Variants in FRMD5 observed in about 807,000 individuals in gnomAD.
The protein encoded by FRMD5 is FERM domain containing 5, also known as FERM domain-containing protein 5.
A neutral mutation model predicts 69.0 loss-of-function variants in FRMD5; 20 were observed. The observed-to-expected ratio is 0.29, with a 90% CI of 0.20 to 0.42. The LOEUF is 0.42. FRMD5 is among the 10% of genes least tolerant of loss of function. The pLI is 1.00. For missense variants in FRMD5, 595 were observed against 708.6 expected, an observed-to-expected ratio of 0.84 and a Z score of 1.82; for synonymous variants, 271 against 260.1, an observed-to-expected ratio of 1.04 and a Z score of -0.40.
chr15:44,102,527 CACAA>C (rs2076654932), intron 1 of FRMD5, among the ~76,000 whole-genome samples: 2 of 152,158 alleles, frequency 1.3e-5, no homozygotes, highest in Admixed American at 6.5e-5. Context: ...ATGAAGATCT[CACAA>C]ACAGACTACT....
intron 1 of FRMD5, among the ~76,000 whole-genome samples, chr15:44,046,233 A>T (rs1892423216): frequency 6.6e-6 from 1 of 152,190 alleles, no homozygotes; most frequent in African/African-American, 2.4e-5. Flanking sequence ...AACATTTTAA[A>T]TTTAACCCTG....
intron 1 of FRMD5, among the ~76,000 whole-genome samples, chr15:44,162,867 CA>C (rs371915126): frequency 0.015 from 546 of 37,294 alleles, 1 homozygote; most frequent in East Asian, 0.073. Flanking sequence ...AACTCCGTCT[CA>C]AAAAAAAAAA....
intron 1 of FRMD5, among the ~76,000 whole-genome samples, chr15:44,133,813 G>A (rs1023882942): frequency 3.3e-5 from 5 of 151,936 alleles, no homozygotes; most frequent in African/African-American, 1.2e-4. Context: ...AATTAACACT[G>A]GTCATATCAG....
At position 44,195,122 on chromosome 15, in the gene FRMD5, C is replaced by T; in HGVS notation, c.-68G>A. Reference sequence around the variant, plus strand: ...ACCCTGGACCAGGCGTCCCTCAGCCCGGCAGCTCCGCACCGACCCCAGGCA... The same window carrying T: ...ACCCTGGACCAGGCGTCCCTCAGCCTGGCAGCTCCGCACCGACCCCAGGCA... On this transcript the variant is annotated 5_prime_UTR_variant, in exon 1 of 14. Coordinates refer to ENST00000417257, the MANE Select transcript of FRMD5 (RefSeq NM_032892.5). 3 of 1,316,916 alleles carry T rather than the reference C, an allele frequency of 2.3e-6. No individual in the cohort carries two copies. Among genetic ancestry groups the T allele is most frequent in the South Asian group, 1.4e-5 (1 of 69,698 alleles). 81.6% of individuals were successfully genotyped at this position (1,316,916 alleles called of 1,614,324 possible).
At chr15:44,006,431 T>C (rs1566894161) in intron 1 of FRMD5, among the ~76,000 whole-genome samples, 1 of 152,230 alleles carries the variant, frequency 6.6e-6, no homozygotes, top group East Asian at 1.9e-4. Flanking sequence ...AACATCCAGT[T>C]GGTAGCCCAT....
At chr15:43,909,782 G>A in intron 5 of FRMD5, 100 bp downstream of exon 5, 1 of 697,342 alleles carries the variant, frequency 1.4e-6, no homozygotes, top group Non-Finnish European at 2.5e-6. Flanking sequence ...ACCTGGCCTA[G>A]ATAATGTTTA....
intron 4 of FRMD5, among the ~76,000 whole-genome samples, chr15:43,918,324 T>G (rs770715857): frequency 6.6e-6 from 1 of 152,182 alleles, no homozygotes. Context: ...GTCAGGAGGC[T>G]GAGGCAGGAG....
At chr15:44,117,741 G>A (rs1347094596) in intron 1 of FRMD5, among the ~76,000 whole-genome samples, 1 of 152,214 alleles carries the variant, frequency 6.6e-6, no homozygotes, top group Non-Finnish European at 1.5e-5. Context: ...AGAGAGGCCA[G>A]AGGAGGTTGA....
At position 44,178,584 on chromosome 15, in the gene FRMD5, T is replaced by C. The variant is rs539581009; in HGVS notation, c.102+16369A>G. Reference sequence around the variant, plus strand: ...TCCCCTTGGAATTCGGGATCAATGTTAGAATGAGTCCTCCCTCTGAAAGGT... The same window carrying C: ...TCCCCTTGGAATTCGGGATCAATGTCAGAATGAGTCCTCCCTCTGAAAGGT... On this transcript the variant is annotated intron_variant, in intron 1 of 13. Transcript: ENST00000417257. Among the ~76,000 whole-genome samples, 17 of 152,282 alleles carry C rather than the reference T, an allele frequency of 1.1e-4. No homozygotes were observed. The South Asian group carries it at 3.5e-3, about 32-fold the overall frequency.
At chr15:43,908,066 A>G (rs1446609636) in intron 5 of FRMD5, among the ~76,000 whole-genome samples, 1 of 152,150 alleles carries the variant, frequency 6.6e-6, no homozygotes. Context: ...AGAGTTTAAG[A>G]CTCGACTTAG....
intron 1 of FRMD5, among the ~76,000 whole-genome samples, chr15:44,064,987 T>C (rs1893248441): frequency 6.6e-6 from 1 of 152,182 alleles, no homozygotes; most frequent in African/African-American, 2.4e-5. Flanking sequence ...CTAACTAGCA[T>C]CACTGAGAAT....
intron 1 of FRMD5, among the ~76,000 whole-genome samples, chr15:44,151,269 C>T (rs762736619): frequency 1.5e-4 from 23 of 151,366 alleles, no homozygotes; most frequent in Non-Finnish European, 2.4e-4. Context: ...TGGTGGTGGG[C>T]GCCTGTAGTC....
intron 1 of FRMD5, among the ~76,000 whole-genome samples, chr15:44,045,631 C>T (rs1892392308): frequency 6.6e-6 from 1 of 152,062 alleles, no homozygotes; most frequent in Non-Finnish European, 1.5e-5. Flanking sequence ...GTAATAAAGA[C>T]TATTCTTCAA....
intron 1 of FRMD5, among the ~76,000 whole-genome samples, chr15:43,949,408 A>T (rs2089993424): frequency 6.6e-6 from 1 of 152,214 alleles, no homozygotes; most frequent in African/African-American, 2.4e-5. Flanking sequence ...TTATTCACAA[A>T]CATATTCTAC....
chr15:44,188,686 G>C (rs2140599536), intron 1 of FRMD5, among the ~76,000 whole-genome samples: 1 of 152,134 alleles, frequency 6.6e-6, no homozygotes, highest in African/African-American at 2.4e-5. Context: ...TGCTTTGAGA[G>C]GCCTCACAAT....
intron 1 of FRMD5, among the ~76,000 whole-genome samples, chr15:44,003,593 C>G (rs1221573548): frequency 6.6e-6 from 1 of 152,152 alleles, no homozygotes; most frequent in Admixed American, 6.6e-5. Context: ...CACTCTACAG[C>G]TATAATCTTA....
At chr15:43,952,000 CTGTGTGTGTGTGTG>C (rs367759637) in intron 1 of FRMD5, among the ~76,000 whole-genome samples, 11 of 123,778 alleles carry the variant, frequency 8.9e-5, no homozygotes, top group East Asian at 2.3e-4. Flanking sequence ...GTGTGTGTGT[CTGTGTGTGTGTGTG>C]TGTGTGTGTG....
At chr15:44,110,458 A>G (rs901768787) in intron 1 of FRMD5, among the ~76,000 whole-genome samples, 1 of 152,250 alleles carries the variant, frequency 6.6e-6, no homozygotes, top group African/African-American at 2.4e-5. Context: ...TCAGGTTTGT[A>G]ATAAACTGCT....
intron 10 of FRMD5, 25 bp from the exon 11 acceptor site, chr15:43,885,780 G>T: frequency 6.3e-7 from 1 of 1,598,846 alleles, no homozygotes; most frequent in South Asian, 1.1e-5. Flanking sequence ...AGTCCAGTGT[G>T]ATAGACAGCC....
Sources: allele counts gnomAD v4.1 joint callset (sites outside exome capture counted in the v4.1 genomes callset), GRCh38; gene constraint gnomAD v4.1.1; transcripts MANE v1.5; gene names NCBI Gene and HGNC (gene_info 2026-07-23, HGNC 2026-07-21).